ALDH1A3: variants seen among roughly 807,000 people sequenced by gnomAD.
ALDH1A3 encodes the protein aldehyde dehydrogenase 1 family member A3, also known as retinaldehyde dehydrogenase 3.
In ALDH1A3, 28 loss-of-function variants were observed where a neutral mutation model predicts 57.5. That is an observed-to-expected ratio of 0.49 (90% CI 0.36 to 0.67). The LOEUF (loss-of-function observed/expected upper bound fraction) is 0.67. Ranked by LOEUF, ALDH1A3 falls within the 30% of genes least tolerant of loss-of-function variation. The probability of loss-of-function intolerance (pLI) is 0.00; values close to 1 mark genes in which losing one functional copy is unlikely to be tolerated. For missense variants in ALDH1A3, 507 were observed against 669.4 expected, an observed-to-expected ratio of 0.76 and a Z score of 2.68; for synonymous variants, 281 against 264.8, an observed-to-expected ratio of 1.06 and a Z score of -0.59.
Position 100,895,856 on chromosome 15 carries a change from G to A in ALDH1A3, c.667-77G>A, listed in dbSNP as rs1172180257. 1.0e-5 allele frequency: 13 copies of A among 1,290,020 alleles called. No homozygotes were observed. In the East Asian group the frequency reaches 1.0e-4, roughly 10 times the overall value. 79.9% of individuals were successfully genotyped at this position (1,290,020 alleles called of 1,614,324 possible). On this transcript the variant is annotated intron_variant, in intron 6 of 12. Coordinates refer to ENST00000329841, the MANE Select transcript of ALDH1A3 (RefSeq NM_000693.4). ...CCCTGTGGGGATGTGAGGCAGCCAC[G>A]GCTCTCTCGGCCCAAATGTGGATCC...
chr15:100,879,948 A>G lies in ALDH1A3; in HGVS notation c.41A>G (p.Asp14Gly). The G allele has an allele frequency of 6.8e-7, 1 of 1,472,276 alleles. No individual in the cohort carries two copies. The highest frequency in any genetic ancestry group is 9.0e-7 in the Non-Finnish European group (1 of 1,110,446). 91.2% of individuals were successfully genotyped at this position (1,472,276 alleles called of 1,614,324 possible). ...ANGAVENGQP[D>G]RKPPALPRPI... ...GGGGCCGTGGAAAACGGGCAGCCGG[A>G]CAGGAAGCCGCCGGCCCTGCCGCGC... The change falls in exon 1 of 13, where the codon GAC becomes GGC. Residue 14 changes from aspartate to glycine, a missense_variant. By Grantham distance (94) the Asp-to-Gly change is moderately conservative. This residue lies in a region of ALDH1A3 where 75 missense variants were observed against 61.0 expected (regional missense o/e 1.23). Coordinates refer to ENST00000329841, the MANE Select transcript of ALDH1A3 (RefSeq NM_000693.4).
intron 1 of ALDH1A3, among the ~76,000 whole-genome samples, chr15:100,884,781 C>T (rs1490242481): frequency 1.3e-5 from 2 of 152,010 alleles, no homozygotes; most frequent in Non-Finnish European, 2.9e-5. Context: ...AGCTCCTTGG[C>T]AATCAATCTT....
intron 3 of ALDH1A3, among the ~76,000 whole-genome samples, chr15:100,890,202 T>G (rs1307042351): frequency 6.6e-6 from 1 of 152,246 alleles, no homozygotes; most frequent in Non-Finnish European, 1.5e-5. Flanking sequence ...CCTGCCGTGC[T>G]GTTTTCCTGG....
intron 12 of ALDH1A3, among the ~76,000 whole-genome samples, chr15:100,912,887 G>A (rs150592780): frequency 0.087 from 2,726 of 31,212 alleles, 938 homozygotes; most frequent in African/African-American, 0.24. Flanking sequence ...GGCCGGGCGC[G>A]GTGGCTCACG....
chr15:100,907,502 C>T (rs1373457231), intron 11 of ALDH1A3, among the ~76,000 whole-genome samples: 2 of 152,128 alleles, frequency 1.3e-5, no homozygotes, highest in Non-Finnish European at 2.9e-5. Flanking sequence ...AGTGACTTGC[C>T]CAGGGTCACA....
At chr15:100,891,069 C>T (rs1305721442) in intron 3 of ALDH1A3, among the ~76,000 whole-genome samples, 1 of 152,282 alleles carries the variant, frequency 6.6e-6, no homozygotes, top group African/African-American at 2.4e-5. Context: ...GATCGCCAAG[C>T]CCTTCTCTGG....
chr15:100,900,139 A>G (rs1427562776), intron 8 of ALDH1A3, among the ~76,000 whole-genome samples: 3 of 152,150 alleles, frequency 2.0e-5, no homozygotes, highest in Non-Finnish European at 4.4e-5. Context: ...ACTTAATAAG[A>G]CCCTTCTTTT....
At position 100,916,311 on chromosome 15, in the gene ALDH1A3, C is replaced by T. The variant is rs946307912; in HGVS notation, c.*1538C>T. 2 of 152,266 alleles carry T rather than the reference C, an allele frequency of 1.3e-5. No homozygotes were observed. 9.4% of individuals were successfully genotyped at this position (152,266 alleles called of 1,614,324 possible). On this transcript the variant is annotated 3_prime_UTR_variant, in exon 13 of 13. Transcript: ENST00000329841. ...TATCTCAAGTAGATATAGACACTAA[C>T]CTTGATAGTGATACGTTAGAGGGTT...
intron 3 of ALDH1A3, among the ~76,000 whole-genome samples, chr15:100,891,672 A>G (rs2041651721): frequency 6.6e-6 from 1 of 152,206 alleles, no homozygotes; most frequent in Admixed American, 6.5e-5. Context: ...ATCTCACTCC[A>G]CTGACTCTTC....
chr15:100,884,564 G>GTTTTT, intron 1 of ALDH1A3, among the ~76,000 whole-genome samples: 1 of 121,050 alleles, frequency 8.3e-6, no homozygotes. Context: ...GGTTTTTCTG[G>GTTTTT]GTTTTTTTTT....
Position 100,907,195 on chromosome 15 carries a change from C to A in ALDH1A3, c.1308C>A (p.Asp436Glu). ...TGATAAAAAGAGCGAATAGCACCGA[C>A]TATGGACTCACAGCAGCCGTGTTCA... is the stretch of plus-strand genomic sequence containing the variant. ...EEVIKRANST[D>E]YGLTAAVFTK... Residue 436 changes from aspartate (D) to glutamate (E), a missense_variant, in exon 11 of 13, where the codon GAC (aspartate) becomes GAA (glutamate). Asp to Glu is a conservative substitution (Grantham distance 45). Around this residue, in one of 2 missense-constraint regions of ALDH1A3, gnomAD observed 432 missense variants for 608.4 expected, o/e 0.71. Transcript: ENST00000329841. 1 of 1,614,176 alleles carries A rather than the reference C, an allele frequency of 6.2e-7. No homozygotes were observed. Among genetic ancestry groups the A allele is most frequent in the Non-Finnish European group, 8.5e-7 (1 of 1,180,018 alleles).
At chr15:100,908,864 G>T (rs141497610) in intron 12 of ALDH1A3, among the ~76,000 whole-genome samples, 11 of 152,296 alleles carry the variant, frequency 7.2e-5, no homozygotes, top group African/African-American at 2.6e-4. Flanking sequence ...AGTGAAGACA[G>T]GTAAGGCTGA....
rs777590260 is a variant in ALDH1A3 at position 100,896,025 on chromosome 15, C to G, written c.759C>G (p.Ile253Met). Reference protein sequence around the residue: ...AISSHPQINKIAFTGSTEVGK... With the variant: ...AISSHPQINKMAFTGSTEVGK... ...CTTCTCACCCTCAGATCAACAAGATCGCCTTCACCGGCTCCACAGAGGTAA... is the reference window on the plus strand; with the variant it reads ...CTTCTCACCCTCAGATCAACAAGATGGCCTTCACCGGCTCCACAGAGGTAA... The change falls in exon 7 of 13, where the codon ATC (isoleucine) becomes ATG (methionine). Residue 253 changes from isoleucine to methionine, a missense_variant. This residue lies in a region of ALDH1A3 where 432 missense variants were observed against 608.4 expected (regional missense o/e 0.71). Transcript: ENST00000329841. 6.2e-7 allele frequency: 1 copy of G among 1,611,424 alleles called. No homozygotes were observed. Among genetic ancestry groups the G allele is most frequent in the South Asian group, 1.1e-5 (1 of 90,258 alleles).
chr15:100,880,339 C>A (rs996846194), intron 1 of ALDH1A3: 4 of 371,800 alleles, frequency 1.1e-5, no homozygotes, highest in Non-Finnish European at 1.4e-5. Context: ...GTGCGCGCCG[C>A]GTTGACTCGG....
intron 3 of ALDH1A3, among the ~76,000 whole-genome samples, chr15:100,888,072 T>C (rs1040816517): frequency 5.3e-5 from 8 of 152,180 alleles, no homozygotes; most frequent in African/African-American, 1.9e-4. Context: ...TTTTTTCTTT[T>C]TTGTATAAAC....
rs550784570 is a variant in ALDH1A3, at chr15:100,908,404, C to T, written c.1392-4C>T. 5.6e-6 allele frequency: 9 copies of T among 1,613,450 alleles called. No homozygotes were observed. The East Asian group carries it at 2.0e-4, about 36-fold the overall frequency. On this transcript the variant is annotated splice_region_variant and splice_polypyrimidine_tract_variant and intron_variant, in intron 11 of 12. Coordinates refer to ENST00000329841, the MANE Select transcript of ALDH1A3 (RefSeq NM_000693.4). ...ACTCTGAGCTTTCTTCCATTCTTTT[C>T]TAGGATCAACTGCTACAACGCCCTC...
Position 100,906,755 on chromosome 15 carries a change from G to A in ALDH1A3, c.1234-366G>A, listed in dbSNP as rs1284417871. Among the ~76,000 whole-genome samples the A allele has an allele frequency of 3.9e-5, 6 of 152,170 alleles. No homozygotes were observed. Among genetic ancestry groups the A allele is most frequent in the Non-Finnish European group, 2.9e-5 (2 of 68,036 alleles). On this transcript the variant is annotated intron_variant, in intron 10 of 12. Coordinates refer to ENST00000329841, the MANE Select transcript of ALDH1A3 (RefSeq NM_000693.4). This position sits in a 1 kb window ranked among gnomAD's most constrained non-coding sequence, Gnocchi z 4.8. The stretch of plus-strand genomic sequence containing the variant: ...AGCACAGTCTTACAAAGTGCCTGCA[G>A]ATATCCTTCAGGACAACTCCGAAAA...
Position 100,914,804 on chromosome 15 carries a change from G to C in ALDH1A3, c.*31G>C, listed in dbSNP as rs4646690. The C allele has an allele frequency of 0.048, 76,886 of 1,605,850 alleles. 4,331 individuals carry two copies. Among genetic ancestry groups the C allele is most frequent in the African/African-American group, 0.29 (21,357 of 74,804 alleles). On this transcript the variant is annotated 3_prime_UTR_variant, in exon 13 of 13. Transcript: ENST00000329841. ...AGGCGGGGCTCCTTCCTCAAACATC[G>C]GACGGCGGAATGTGGCAGATGAAAT...
At chr15:100,898,049 C>G in intron 7 of ALDH1A3, 34 bp from the exon 8 acceptor site, 1 of 1,596,140 alleles carries the variant, frequency 6.3e-7, no homozygotes, top group Non-Finnish European at 8.6e-7. Context: ...CAGCAACATC[C>G]AAGGTAAATT....
Sources: gnomAD v4.1 joint callset for allele counts (sites outside exome capture counted in the v4.1 genomes callset) on GRCh38, gnomAD v4.1.1 for gene constraint, gnomAD v4.1.1 regional missense constraint, Gnocchi (gnomAD v3.1) non-coding constraint, MANE v1.5 for transcripts, NCBI Gene and HGNC (gene_info 2026-07-23, HGNC 2026-07-21) for gene names.